RABEP1: variants seen among roughly 807,000 people sequenced by gnomAD.
RABEP1 encodes the protein rabaptin, RAB GTPase binding effector protein 1, also known as rab GTPase-binding effector protein 1.
Under a neutral mutation model 123.4 loss-of-function variants are expected in RABEP1, and 51 were observed. The ratio of observed to expected loss-of-function variants is 0.41; its 90% confidence interval spans 0.33 to 0.52. The LOEUF is 0.52. Among genes scored for constraint, RABEP1 ranks in the 20% least tolerant of loss-of-function variants. RABEP1 has a pLI of 0.16. For missense variants in RABEP1, 888 were observed against 996.3 expected, an observed-to-expected ratio of 0.89 and a Z score of 1.46; for synonymous variants, 347 against 355.2, an observed-to-expected ratio of 0.98 and a Z score of 0.26.
intron 11 of RABEP1, among the ~76,000 whole-genome samples, chr17:5,367,331 G>C (rs922864134): frequency 2.6e-5 from 4 of 151,384 alleles, no homozygotes; most frequent in Non-Finnish European, 4.4e-5. Flanking sequence ...GAGTGCAGTG[G>C]CACGATCTTG....
At chr17:5,327,734 T>C (rs1906122086) in intron 2 of RABEP1, among the ~76,000 whole-genome samples, 2 of 152,228 alleles carry the variant, frequency 1.3e-5, no homozygotes, top group African/African-American at 4.8e-5. Context: ...GTTAAACTTT[T>C]TCTTATGTAA....
Position 5,316,152 on chromosome 17 carries a change from T to C in RABEP1, c.163+7330T>C, listed in dbSNP as rs192835399. 3.3e-5 allele frequency among the ~76,000 whole-genome samples: 5 copies of C among 152,196 alleles called. No homozygotes were observed. In the East Asian group the frequency reaches 9.7e-4, roughly 29 times the overall value. On this transcript the variant is annotated intron_variant, in intron 2 of 17. Transcript: ENST00000537505. ...AGCACTTAGCCATCTACATAATCAC[T>C]AAAAGTACTGCTAGTAGGCCGGCTG...
chr17:5,371,193 C>G (rs1001924951), intron 12 of RABEP1: 4 of 152,162 alleles, frequency 2.6e-5, no homozygotes, highest in African/African-American at 9.7e-5. Context: ...GTCTCGATCT[C>G]CTGACCTCGT....
Position 5,385,845 on chromosome 17 carries a change from C to G in RABEP1, c.*2622C>G. 1 of 264,704 alleles carries G rather than the reference C, an allele frequency of 3.8e-6. No individual in the cohort carries two copies. Among genetic ancestry groups the G allele is most frequent in the Non-Finnish European group, 7.1e-6 (1 of 140,252 alleles). 16.4% of individuals were successfully genotyped at this position (264,704 alleles called of 1,614,324 possible). A position where few individuals can be genotyped will look rare whatever the true frequency, so the allele number is the denominator to read the frequency against. On this transcript the variant is annotated 3_prime_UTR_variant, in exon 18 of 18. Coordinates refer to ENST00000537505, the MANE Select transcript of RABEP1 (RefSeq NM_004703.6). ...GTCTTCTCCTTTGAATCCTAGGGTT[C>G]TATCCCTCTTCAGAGTCATGTTTCT...
At chr17:5,298,657 T>C (rs914474441) in intron 1 of RABEP1, among the ~76,000 whole-genome samples, 1 of 25,470 alleles carries the variant, frequency 3.9e-5, no homozygotes, top group African/African-American at 4.6e-4. Context: ...TCCTCCAGGA[T>C]TTTTTTTTTT....
Position 5,323,698 on chromosome 17 carries a change from CTAGGAATATATATATATA to C in RABEP1, c.164-8249_164-8232del, listed in dbSNP as rs757865012. 3.0e-4 allele frequency among the ~76,000 whole-genome samples: 29 copies of C among 96,844 alleles called. 1 individual carries two copies. Among genetic ancestry groups the C allele is most frequent in the African/African-American group, 1.5e-3 (27 of 18,010 alleles). The allele number at this position is 96,844 out of a possible 152,430, so 63.5% of individuals were successfully genotyped here. Reference sequence around the variant, plus strand: ...TGGTGATATATATATATATCTCTCTCTAGGAATATATATATATATCTAGGAATATATATATATCTAGGA... The same window carrying C: ...TGGTGATATATATATATATCTCTCTCTCTAGGAATATATATATATCTAGGA... On this transcript the variant is annotated intron_variant, in intron 2 of 17. Coordinates refer to ENST00000537505, the MANE Select transcript of RABEP1 (RefSeq NM_004703.6).
intron 12 of RABEP1, among the ~76,000 whole-genome samples, chr17:5,372,629 G>A (rs537517765): frequency 1.4e-3 from 208 of 152,304 alleles, no homozygotes; most frequent in East Asian, 1.2e-3. Context: ...TCCAGTGCAC[G>A]CCATGGGGAA....
At chr17:5,297,843 A>T (rs73337243) in intron 1 of RABEP1, among the ~76,000 whole-genome samples, 2 of 152,096 alleles carry the variant, frequency 1.3e-5, no homozygotes, top group Non-Finnish European at 2.9e-5. Context: ...GTTATGCTCT[A>T]TGGCTTCTCA....
intron 7 of RABEP1, among the ~76,000 whole-genome samples, chr17:5,351,191 G>A (rs1419999020): frequency 6.6e-6 from 1 of 152,110 alleles, no homozygotes; most frequent in Non-Finnish European, 1.5e-5. Flanking sequence ...GAGAGGCTGA[G>A]TAATAGGAGG....
chr17:5,284,287 G>T (rs919609433), intron 1 of RABEP1, among the ~76,000 whole-genome samples: 4 of 152,076 alleles, frequency 2.6e-5, no homozygotes, highest in African/African-American at 9.7e-5. Context: ...TTTAGTTCAG[G>T]TTTCTTTCCT....
intron 1 of RABEP1, among the ~76,000 whole-genome samples, chr17:5,305,957 C>G (rs919595086): frequency 1.3e-5 from 2 of 152,122 alleles, no homozygotes; most frequent in African/African-American, 4.8e-5. Context: ...ACATGGAACT[C>G]AAACCAGCAG....
At chr17:5,291,199 AG>A (rs1457400377) in intron 1 of RABEP1, among the ~76,000 whole-genome samples, 6 of 152,102 alleles carry the variant, frequency 3.9e-5, no homozygotes, top group Non-Finnish European at 8.8e-5. Context: ...CCACGCGGTC[AG>A]GACTTTGAGA....
rs1439472629 is a variant in RABEP1 at position 5,365,155 on chromosome 17, A to G, written c.1702A>G (p.Asn568Asp). 1.2e-6 allele frequency: 2 copies of G among 1,610,634 alleles called. No individual in the cohort carries two copies. The highest frequency in any genetic ancestry group is 1.6e-4 in the Middle Eastern group (1 of 6,066). Residue 568 changes from asparagine to aspartate, a missense_variant, in exon 11 of 18, where the codon AAT (asparagine) becomes GAT (aspartate). Coordinates refer to ENST00000537505, the MANE Select transcript of RABEP1 (RefSeq NM_004703.6). ...KKLQLMLRQA[N>D]DQLEKTMKDK... is the part of the protein sequence containing the mutation. ...ACTACAGCTGATGCTAAGGCAAGCTAATGACCAGTTAGAGAAGACAATGAA... is the reference window on the plus strand; with the variant it reads ...ACTACAGCTGATGCTAAGGCAAGCTGATGACCAGTTAGAGAAGACAATGAA...
At chr17:5,327,676 C>T (rs1431221295) in intron 2 of RABEP1, among the ~76,000 whole-genome samples, 1 of 152,046 alleles carries the variant, frequency 6.6e-6, no homozygotes, top group African/African-American at 2.4e-5. Context: ...TTTTTGGTAT[C>T]TGGTAGGGCA....
intron 1 of RABEP1, among the ~76,000 whole-genome samples, chr17:5,289,193 C>A (rs1201356505): frequency 6.6e-6 from 1 of 150,790 alleles, no homozygotes; most frequent in Non-Finnish European, 1.5e-5. Flanking sequence ...CTTTTCTCTT[C>A]TACTATGAGT....
chr17:5,381,241 C>T (rs1911423143), intron 16 of RABEP1, 148 bp from the exon 17 acceptor site: 2 of 1,109,376 alleles, frequency 1.8e-6, no homozygotes, highest in Non-Finnish European at 2.4e-6. Context: ...CACGCTTGCC[C>T]TATAGATAAA....
At position 5,367,831 on chromosome 17, in the gene RABEP1, T is replaced by C. The variant is rs536970141; in HGVS notation, c.1786-539T>C. On this transcript the variant is annotated intron_variant, in intron 11 of 17. Transcript: ENST00000537505. ...AGTACAGGGTGCGTTCTGGGCTCACTGCAACCTCTGCCTCCCGGTTTTCAA... is the reference window on the plus strand; with the variant it reads ...AGTACAGGGTGCGTTCTGGGCTCACCGCAACCTCTGCCTCCCGGTTTTCAA... Among the ~76,000 whole-genome samples the C allele has an allele frequency of 1.1e-4, 16 of 151,150 alleles. 1 individual carries two copies. In the South Asian group the frequency reaches 2.8e-3, roughly 27 times the overall value.
At chr17:5,284,754 G>A (rs113996027) in intron 1 of RABEP1, among the ~76,000 whole-genome samples, 177 of 152,002 alleles carry the variant, frequency 1.2e-3, no homozygotes, top group African/African-American at 4.1e-3. Context: ...GTGTGAGCCC[G>A]TGAGTCCGGC....
At position 5,367,911 on chromosome 17, in the gene RABEP1, C is replaced by T. The variant is rs370675842; in HGVS notation, c.1786-459C>T. Among the ~76,000 whole-genome samples the T allele has an allele frequency of 8.6e-5, 13 of 151,086 alleles. 2 individuals carry two copies. The East Asian group carries it at 1.8e-3, about 21-fold the overall frequency. Reference sequence around the variant, plus strand: ...GCTGGAATACAGGTGCCCGCCACCACACCCAGCTAATTTTTTTTTACTTTT... The same window carrying T: ...GCTGGAATACAGGTGCCCGCCACCATACCCAGCTAATTTTTTTTTACTTTT... On this transcript the variant is annotated intron_variant, in intron 11 of 17. Transcript: ENST00000537505.
Sources: gnomAD v4.1 joint callset for allele counts (sites outside exome capture counted in the v4.1 genomes callset) on GRCh38, gnomAD v4.1.1 for gene constraint, MANE v1.5 for transcripts, NCBI Gene and HGNC (gene_info 2026-07-23, HGNC 2026-07-21) for gene names.